UBR1: variants seen among roughly 807,000 people sequenced by gnomAD.
UBR1 encodes the protein E3 ubiquitin-protein ligase UBR1.
UBR1 carries 102 observed loss-of-function variants against 242.1 expected under a neutral mutation model. That is an observed-to-expected ratio of 0.42 (90% CI 0.36 to 0.50). UBR1 has a LOEUF of 0.50. Ranked by LOEUF, UBR1 falls within the 20% of genes least tolerant of loss-of-function variation. UBR1 has a pLI of 0.01. For synonymous variants in UBR1, 675 were observed against 684.8 expected (o/e 0.99, Z 0.22); for missense variants, 1,772 against 2,101.8 (o/e 0.84, Z 3.07).
intron 46 of UBR1, among the ~76,000 whole-genome samples, chr15:42,948,095 C>A (rs1421067814): frequency 6.6e-6 from 1 of 152,130 alleles, no homozygotes; most frequent in African/African-American, 2.4e-5. Flanking sequence ...AGATATAGAT[C>A]AATGGAACAG....
At chr15:43,086,845 G>T (rs151220576) in intron 1 of UBR1, among the ~76,000 whole-genome samples, 1 of 152,072 alleles carries the variant, frequency 6.6e-6, no homozygotes, top group Non-Finnish European at 1.5e-5. Context: ...TAAAAAACTG[G>T]CAATATCAAA....
At chr15:42,945,542 A>C in intron 46 of UBR1, 72 bp from the exon 47 acceptor site, 1 of 1,574,712 alleles carries the variant, frequency 6.4e-7, no homozygotes, top group African/African-American at 1.3e-5. Flanking sequence ...TGTCTAAATT[A>C]GTATGCACTC....
chr15:43,030,602 G>A (rs1055943297), intron 20 of UBR1, among the ~76,000 whole-genome samples: 2 of 152,184 alleles, frequency 1.3e-5, no homozygotes, highest in Non-Finnish European at 2.9e-5. Context: ...AATGACTGGT[G>A]CTGTGAAAAT....
Position 43,007,180 on chromosome 15 carries a change from T to C in UBR1, c.3314A>G (p.Gln1105Arg). ...GGCATTATTTTCTATTTTCACCTCC[T>C]GTTCTTCTTGGCAAAGGATGCACGT... ...VLTCILCQEEQEVKIENNAMV... is the reference protein window; with the variant it reads ...VLTCILCQEEREVKIENNAMV... The change falls in exon 30 of 47, where the codon CAG becomes CGG. Residue 1105 changes from glutamine to arginine, a missense_variant. Gln to Arg is a conservative substitution (Grantham distance 43). Coordinates refer to ENST00000290650, the MANE Select transcript of UBR1 (RefSeq NM_174916.3). 6.2e-7 allele frequency: 1 copy of C among 1,614,172 alleles called. No homozygotes were observed. The highest frequency in any genetic ancestry group is 8.5e-7 in the Non-Finnish European group (1 of 1,180,024).
At chr15:42,957,861 T>G in intron 44 of UBR1, 152 bp downstream of exon 44, 1 of 689,482 alleles carries the variant, frequency 1.5e-6, no homozygotes, top group Non-Finnish European at 2.5e-6. Flanking sequence ...AGCAAGATCC[T>G]GTCTAAAAAA....
chr15:43,041,612 A>C (rs1248749134), intron 15 of UBR1, among the ~76,000 whole-genome samples: 2 of 152,180 alleles, frequency 1.3e-5, no homozygotes. Context: ...AAAAACAAAA[A>C]AAAATTAGAT....
chr15:43,027,902 T>G, intron 21 of UBR1, 74 bp from the exon 22 acceptor site: 1 of 1,141,332 alleles, frequency 8.8e-7, no homozygotes, highest in Non-Finnish European at 1.3e-6. Context: ...GAAATACATT[T>G]TCTACTGCAT....
chr15:43,053,661 C>T (rs571261329), intron 12 of UBR1, among the ~76,000 whole-genome samples: 5 of 150,028 alleles, frequency 3.3e-5, no homozygotes, highest in South Asian at 4.2e-4. Flanking sequence ...GGCATGATCA[C>T]AGTTTACTGT....
At chr15:43,024,715 C>T (rs1238214722) in intron 25 of UBR1, 114 bp downstream of exon 25, 1 of 1,437,362 alleles carries the variant, frequency 7.0e-7, no homozygotes, top group Non-Finnish European at 9.8e-7. Flanking sequence ...TTTAATGACC[C>T]CTATGTTTCC....
intron 43 of UBR1, among the ~76,000 whole-genome samples, chr15:42,960,203 A>G (rs558346042): frequency 6.6e-6 from 1 of 152,308 alleles, no homozygotes; most frequent in African/African-American, 2.4e-5. Flanking sequence ...GGGCTGAAGA[A>G]AAGTTTTTGG....
chr15:43,100,689 G>T (rs1341867790), intron 1 of UBR1, among the ~76,000 whole-genome samples: 1 of 152,132 alleles, frequency 6.6e-6, no homozygotes, highest in Non-Finnish European at 1.5e-5. Context: ...ACAAAAATTA[G>T]CTGGGCATGG....
At chr15:42,977,789 T>C (rs755197592) in intron 38 of UBR1, 91 bp downstream of exon 38, 2 of 1,171,176 alleles carry the variant, frequency 1.7e-6, no homozygotes, top group Non-Finnish European at 1.3e-6. Flanking sequence ...ACAAAGAATT[T>C]ATAATCTTGA....
chr15:42,944,246 C>T lies in UBR1; in HGVS notation c.*1083G>A, dbSNP rs2031696340. The T allele has an allele frequency of 6.6e-6, 1 of 152,556 alleles. No homozygotes were observed. The highest frequency in any genetic ancestry group is 1.5e-5 in the Non-Finnish European group (1 of 68,030). 9.5% of individuals were successfully genotyped at this position (152,556 alleles called of 1,614,324 possible). A position where few individuals can be genotyped will look rare whatever the true frequency, so the allele number is the denominator to read the frequency against. On this transcript the variant is annotated 3_prime_UTR_variant, in exon 47 of 47. Transcript: ENST00000290650. ...AAGTCTATGCACAAATTCAGGAGAG[C>T]TCTATTATTTATAAACAAGATGGCT...
At chr15:43,003,777 C>T (rs1276579552) in intron 31 of UBR1, 60 bp downstream of exon 31, 2 of 1,511,228 alleles carry the variant, frequency 1.3e-6, no homozygotes, top group Non-Finnish European at 9.2e-7. Context: ...CTTTTTGTGG[C>T]CTTGAGTGAA....
chr15:43,036,755 G>A (rs894125581), intron 17 of UBR1, among the ~76,000 whole-genome samples, 162 bp from the exon 18 acceptor site: 1 of 152,046 alleles, frequency 6.6e-6, no homozygotes, highest in Non-Finnish European at 1.5e-5. Flanking sequence ...AGGGACTAGC[G>A]AGGATGAAGT....
chr15:42,986,823 C>T (rs2032467904), intron 35 of UBR1, among the ~76,000 whole-genome samples: 2 of 152,348 alleles, frequency 1.3e-5, no homozygotes, highest in South Asian at 2.1e-4. Context: ...ACGGCAGTAC[C>T]CGGGGACCAT....
chr15:43,081,362 A>G (rs2033971884), intron 3 of UBR1, among the ~76,000 whole-genome samples: 2 of 142,854 alleles, frequency 1.4e-5, no homozygotes, highest in African/African-American at 5.2e-5. Flanking sequence ...CGTTGTGGTG[A>G]GCCGAGATCG....
In UBR1 at chr15:42,945,095, C is replaced by A; in HGVS notation, c.*234G>T. On this transcript the variant is annotated 3_prime_UTR_variant, in exon 47 of 47. Coordinates refer to ENST00000290650, the MANE Select transcript of UBR1 (RefSeq NM_174916.3). ...GACAAATTATGAAGGGGAATAAATT[C>A]CTGGAAATACTAGCACATAAAACAG... 1 of 533,472 alleles carries A rather than the reference C, an allele frequency of 1.9e-6. No individual in the cohort carries two copies. Among genetic ancestry groups the A allele is most frequent in the Non-Finnish European group, 3.3e-6 (1 of 301,548 alleles). The allele number at this position is 533,472 out of a possible 1,614,324, so 33.0% of individuals were successfully genotyped here. A position where few individuals can be genotyped will look rare whatever the true frequency, so the allele number is the denominator to read the frequency against.
Position 42,961,579 on chromosome 15 carries a change from C to T in UBR1, c.4701-878G>A, listed in dbSNP as rs140450055. On this transcript the variant is annotated intron_variant, in intron 42 of 46. Transcript: ENST00000290650. ...CTGGGATTACAGGCATGCGCCACCACGCCTGGCTAATTTTTGTATTTCTTT... is the reference window on the plus strand; with the variant it reads ...CTGGGATTACAGGCATGCGCCACCATGCCTGGCTAATTTTTGTATTTCTTT... Among the ~76,000 whole-genome samples the T allele has an allele frequency of 9.4e-3, 1,428 of 151,874 alleles. 8 individuals carry two copies. Among genetic ancestry groups the T allele is most frequent in the South Asian group, 0.02 (94 of 4,808 alleles).
Sources: allele counts gnomAD v4.1 joint callset (sites outside exome capture counted in the v4.1 genomes callset), GRCh38; gene constraint gnomAD v4.1.1; transcripts MANE v1.5; gene names NCBI Gene and HGNC (gene_info 2026-07-23, HGNC 2026-07-21).